Variants in CDH13 observed in about 807,000 individuals in gnomAD.
CDH13 encodes cadherin-13.
Under a neutral mutation model 63.8 loss-of-function variants are expected in CDH13, and 24 were observed. That is an observed-to-expected ratio of 0.38 (90% CI 0.27 to 0.53). CDH13 has a LOEUF of 0.53. Ranked by LOEUF, CDH13 falls within the 20% of genes least tolerant of loss-of-function variation. The pLI is 0.85. For missense variants in CDH13, 1,049 were observed against 903.1 expected (o/e 1.16, Z -2.07); for synonymous variants, 503 against 355.3 (o/e 1.42, Z -4.67).
chr16:83,381,896 G>A (rs539477219), intron 6 of CDH13, among the ~76,000 whole-genome samples: 6 of 152,126 alleles, frequency 3.9e-5, no homozygotes, highest in Non-Finnish European at 8.8e-5. Flanking sequence ...TGGATGACTT[G>A]TGCACCTTGC....
intron 6 of CDH13, among the ~76,000 whole-genome samples, chr16:83,449,859 C>T (rs1291224071): frequency 6.6e-6 from 1 of 152,184 alleles, no homozygotes; most frequent in South Asian, 2.1e-4. Flanking sequence ...GGAGAGGGAG[C>T]TCAGACCACA....
intron 2 of CDH13, among the ~76,000 whole-genome samples, chr16:82,963,977 G>C (rs895724434): frequency 1.3e-5 from 2 of 152,162 alleles, no homozygotes; most frequent in African/African-American, 2.4e-5. Flanking sequence ...CCCACACACC[G>C]CTGTTCACAC....
chr16:83,169,318 A>C (rs2037822069), intron 4 of CDH13, among the ~76,000 whole-genome samples: 1 of 151,878 alleles, frequency 6.6e-6, no homozygotes, highest in African/African-American at 2.4e-5. Context: ...CTGGGACTAC[A>C]GGCGCCTGCC....
chr16:83,101,623 A>C (rs887077001), intron 3 of CDH13, among the ~76,000 whole-genome samples: 1 of 152,070 alleles, frequency 6.6e-6, no homozygotes, highest in African/African-American at 2.4e-5. Context: ...GCCAAACCCC[A>C]TCTCTACTAA....
At chr16:83,532,763 C>T (rs2075108150) in intron 7 of CDH13, among the ~76,000 whole-genome samples, 2 of 152,162 alleles carry the variant, frequency 1.3e-5, no homozygotes, top group African/African-American at 2.4e-5. Context: ...CTTGAGCGAT[C>T]CTCTCCCTCT....
At chr16:83,005,676 T>G (rs755164609) in intron 2 of CDH13, among the ~76,000 whole-genome samples, 1 of 152,250 alleles carries the variant, frequency 6.6e-6, no homozygotes, top group African/African-American at 2.4e-5. Context: ...TCACAGCTCA[T>G]GCATGCCTTC....
chr16:82,833,911 C>G (rs2038652983), intron 1 of CDH13, among the ~76,000 whole-genome samples: 1 of 152,158 alleles, frequency 6.6e-6, no homozygotes. Context: ...AATGCTACTG[C>G]ATTTTGTATT....
At chr16:82,791,179 G>T (rs540427237) in intron 1 of CDH13, among the ~76,000 whole-genome samples, 2 of 149,936 alleles carry the variant, frequency 1.3e-5, no homozygotes, top group Non-Finnish European at 2.9e-5. Context: ...GGAGCTTGCC[G>T]TGAGCAGAGA....
At chr16:82,753,501 T>C (rs1431731967) in intron 1 of CDH13, among the ~76,000 whole-genome samples, 6 of 152,182 alleles carry the variant, frequency 3.9e-5, no homozygotes, top group Non-Finnish European at 7.3e-5. Flanking sequence ...CAGACCTGTG[T>C]ATTTACGTAC....
chr16:82,656,907 G>C (rs926345553), intron 1 of CDH13, among the ~76,000 whole-genome samples: 5 of 143,318 alleles, frequency 3.5e-5, no homozygotes, highest in African/African-American at 7.8e-5. Context: ...TTTTCTTATG[G>C]TTTGGTAGCT....
intron 7 of CDH13, among the ~76,000 whole-genome samples, chr16:83,570,529 G>C (rs573326604): frequency 6.6e-6 from 1 of 151,884 alleles, no homozygotes; most frequent in Admixed American, 6.6e-5. Context: ...ATGGTCTAGC[G>C]TGGAACAGCC....
chr16:83,602,548 T>A lies in CDH13; in HGVS notation c.1055T>A (p.Met352Lys). ...GLTGTATATI[M>K]IDDKNDHSPK... ...ACAGGCACGGCCACAGCCACGATCA[T>A]GATCGATGACAAAAATGATCACTCA... Residue 352 changes from methionine (M) to lysine (K), a missense_variant, in exon 8 of 14, where the codon ATG becomes AAG. Coordinates refer to ENST00000567109, the MANE Select transcript of CDH13 (RefSeq NM_001257.5). 1 of 1,614,036 alleles carries A rather than the reference T, an allele frequency of 6.2e-7. No individual in the cohort carries two copies. Among genetic ancestry groups the A allele is most frequent in the Non-Finnish European group, 8.5e-7 (1 of 1,179,902 alleles).
rs370635704 is a variant in CDH13, at chr16:82,833,234, G to A, written c.46-25128G>A. Among the ~76,000 whole-genome samples, 13 of 152,330 alleles carry A rather than the reference G, an allele frequency of 8.5e-5. No homozygotes were observed. In the East Asian group the frequency reaches 1.9e-3, roughly 23 times the overall value. On this transcript the variant is annotated intron_variant, in intron 1 of 13. Coordinates refer to ENST00000567109, the MANE Select transcript of CDH13 (RefSeq NM_001257.5). ...AAATGTGTTCATACCATGAATAATT[G>A]TGTAGCACTATCTTACTGTGTGCTG... is the stretch of plus-strand genomic sequence containing the variant.
chr16:82,675,046 TAGGA>T (rs554680091), intron 1 of CDH13, among the ~76,000 whole-genome samples: 53 of 152,284 alleles, frequency 3.5e-4, no homozygotes, highest in African/African-American at 1.3e-3. Flanking sequence ...CTAATATTAA[TAGGA>T]AGGAAGGATA....
At chr16:83,021,792 C>G (rs898748636) in intron 2 of CDH13, among the ~76,000 whole-genome samples, 1 of 152,186 alleles carries the variant, frequency 6.6e-6, no homozygotes, top group African/African-American at 2.4e-5. Flanking sequence ...CTCCCAGAAC[C>G]TTATAGAAGC....
intron 5 of CDH13, among the ~76,000 whole-genome samples, chr16:83,309,284 T>C (rs138341369): frequency 1.3e-5 from 2 of 152,216 alleles, no homozygotes; most frequent in East Asian, 1.9e-4. Context: ...TGGGAAAAGA[T>C]CTATATCGAA....
intron 2 of CDH13, among the ~76,000 whole-genome samples, chr16:82,876,155 T>C (rs1004352791): frequency 6.6e-6 from 1 of 152,172 alleles, no homozygotes; most frequent in Non-Finnish European, 1.5e-5. Flanking sequence ...ATAGTGGGAG[T>C]TACAATTCAA....
intron 6 of CDH13, among the ~76,000 whole-genome samples, chr16:83,394,628 C>G (rs763905806): frequency 1.2e-4 from 19 of 152,214 alleles, no homozygotes; most frequent in Non-Finnish European, 2.5e-4. Context: ...AGAAGCGTGA[C>G]ATGACCTGAC....
At chr16:82,997,649 A>G (rs1912394482) in intron 2 of CDH13, among the ~76,000 whole-genome samples, 1 of 152,130 alleles carries the variant, frequency 6.6e-6, no homozygotes, top group Non-Finnish European at 1.5e-5. Context: ...TCCCTGTTCT[A>G]TAGGTGAAAA....
Sources: allele counts gnomAD v4.1 joint callset (sites outside exome capture counted in the v4.1 genomes callset), GRCh38; gene constraint gnomAD v4.1.1; transcripts MANE v1.5; gene names NCBI Gene and HGNC (gene_info 2026-07-23, HGNC 2026-07-21).